Variants in FMN1 observed in about 807,000 individuals in gnomAD.
The protein encoded by FMN1 is formin-1.
Under a neutral mutation model 132.4 loss-of-function variants are expected in FMN1, and 110 were observed. That is an observed-to-expected ratio of 0.83 (90% CI 0.71 to 0.97). FMN1 has a LOEUF of 0.97. FMN1 is among the 50% of genes least tolerant of loss of function. The probability of loss-of-function intolerance (pLI) is 0.00; values close to 1 mark genes in which losing one functional copy is unlikely to be tolerated. For missense variants in FMN1, 1,792 were observed against 1,705.3 expected (o/e 1.05, Z -0.90); for synonymous variants, 722 against 651.7 (o/e 1.11, Z -1.64).
At chr15:33,188,692 GA>G (rs957383308) in intron 2 of FMN1, among the ~76,000 whole-genome samples, 22 of 145,712 alleles carry the variant, frequency 1.5e-4, no homozygotes, top group African/African-American at 2.5e-4. Flanking sequence ...AAAAGATGAA[GA>G]AAAAAAAAAA....
chr15:32,927,095 C>T (rs2060980983), intron 9 of FMN1, among the ~76,000 whole-genome samples: 1 of 152,036 alleles, frequency 6.6e-6, no homozygotes, highest in Non-Finnish European at 1.5e-5. Context: ...TTGCACCTGG[C>T]CTATACATTT....
chr15:32,983,697 A>T (rs556915737), intron 7 of FMN1, among the ~76,000 whole-genome samples: 1 of 152,216 alleles, frequency 6.6e-6, no homozygotes, highest in Non-Finnish European at 1.5e-5. Flanking sequence ...CACAGAAAGT[A>T]GAGTAAAATG....
intron 16 of FMN1, among the ~76,000 whole-genome samples, chr15:32,865,385 T>C (rs992842375): frequency 6.6e-6 from 1 of 152,190 alleles, no homozygotes; most frequent in Non-Finnish European, 1.5e-5. Flanking sequence ...ATAAGGTAAA[T>C]AATTTTAAAA....
intron 4 of FMN1, among the ~76,000 whole-genome samples, chr15:33,109,439 T>G (rs2039611904): frequency 6.6e-6 from 1 of 151,990 alleles, no homozygotes. Flanking sequence ...GGAATCAACC[T>G]AATGTCAATC....
chr15:33,016,702 AG>A (rs1451112538), intron 6 of FMN1, among the ~76,000 whole-genome samples: 1 of 152,346 alleles, frequency 6.6e-6, no homozygotes, highest in Non-Finnish European at 1.5e-5. Context: ...GCAAAAGCAC[AG>A]GAAGAGATCT....
At chr15:33,001,664 T>C (rs1027027579) in intron 7 of FMN1, among the ~76,000 whole-genome samples, 11 of 139,610 alleles carry the variant, frequency 7.9e-5, no homozygotes, top group Admixed American at 5.0e-4. Context: ...ATTTGGGACA[T>C]TGGACTTTCC....
chr15:32,990,510 A>C (rs1034522647), intron 7 of FMN1, among the ~76,000 whole-genome samples: 1 of 152,202 alleles, frequency 6.6e-6, no homozygotes, highest in African/African-American at 2.4e-5. Flanking sequence ...ACAAGTCATT[A>C]ATGTTTAAGA....
chr15:33,004,099 A>T (rs1286042915), intron 7 of FMN1, among the ~76,000 whole-genome samples: 1 of 152,168 alleles, frequency 6.6e-6, no homozygotes, highest in African/African-American at 2.4e-5. Flanking sequence ...CCCTAGAAGA[A>T]AACCTAGGCA....
intron 4 of FMN1, among the ~76,000 whole-genome samples, chr15:33,124,223 A>G (rs1053554158): frequency 1.3e-5 from 2 of 152,006 alleles, no homozygotes; most frequent in Non-Finnish European, 2.9e-5. Context: ...AGGTGATGTT[A>G]AAGACAAAAA....
intron 7 of FMN1, among the ~76,000 whole-genome samples, chr15:32,981,670 G>A (rs2032687500): frequency 6.6e-6 from 1 of 151,628 alleles, no homozygotes; most frequent in Non-Finnish European, 1.5e-5. Context: ...AATATACTTA[G>A]GACCTTGGAT....
At chr15:33,090,179 G>A (rs114261995) in intron 4 of FMN1, among the ~76,000 whole-genome samples, 1,542 of 152,228 alleles carry the variant, frequency 0.01, 22 homozygotes, top group African/African-American at 0.035. Flanking sequence ...AGTGTATTTT[G>A]CAATAGAGAT....
chr15:32,977,130 C>T (rs2032273920), intron 7 of FMN1, among the ~76,000 whole-genome samples: 1 of 152,210 alleles, frequency 6.6e-6, no homozygotes, highest in South Asian at 2.1e-4. Flanking sequence ...CATTCCACCT[C>T]TTACAATGCA....
At position 32,874,182 on chromosome 15, in the gene FMN1, C is replaced by T. The variant is rs184135063; in HGVS notation, c.3835+13990G>A. 1.1e-3 allele frequency among the ~76,000 whole-genome samples: 169 copies of T among 151,898 alleles called. 1 individual carries two copies. Among genetic ancestry groups the T allele is most frequent in the African/African-American group, 3.6e-3 (151 of 41,422 alleles). On this transcript the variant is annotated intron_variant, in intron 16 of 20. Coordinates refer to ENST00000616417, the MANE Select transcript of FMN1 (RefSeq NM_001277313.2). ...GATTACAGGTGCCTGCCACCACGCCCAGCTAATTTTTTGTACTTTTAGTAG... is the reference window on the plus strand; with the variant it reads ...GATTACAGGTGCCTGCCACCACGCCTAGCTAATTTTTTGTACTTTTAGTAG...
chr15:32,958,898 T>A (rs1357498377), intron 9 of FMN1, among the ~76,000 whole-genome samples: 1 of 151,840 alleles, frequency 6.6e-6, no homozygotes, highest in East Asian at 1.9e-4. Context: ...AAAAATTAGC[T>A]GGGCGTGATG....
chr15:33,129,934 A>G (rs1444409284), intron 4 of FMN1, among the ~76,000 whole-genome samples: 1 of 152,090 alleles, frequency 6.6e-6, no homozygotes, highest in Non-Finnish European at 1.5e-5. Flanking sequence ...CTGGGACTAC[A>G]GGCACACGCC....
chr15:33,103,777 T>C (rs145800180), intron 4 of FMN1, among the ~76,000 whole-genome samples: 1 of 152,124 alleles, frequency 6.6e-6, no homozygotes, highest in African/African-American at 2.4e-5. Flanking sequence ...TCTATTCTAT[T>C]ACACCTTGAA....
intron 5 of FMN1, chr15:33,066,848 G>A (rs778766727): frequency 6.2e-7 from 1 of 1,613,972 alleles, no homozygotes; most frequent in East Asian, 2.2e-5. Context: ...GAGCAGCAGA[G>A]AGAGCTGCTC....
At chr15:32,992,515 C>G (rs2033495429) in intron 7 of FMN1, among the ~76,000 whole-genome samples, 1 of 152,130 alleles carries the variant, frequency 6.6e-6, no homozygotes. Context: ...ATTTATTCAT[C>G]AATGGCAGAT....
intron 5 of FMN1, among the ~76,000 whole-genome samples, chr15:33,086,101 A>G (rs1319295810): frequency 6.6e-6 from 1 of 152,042 alleles, no homozygotes; most frequent in Non-Finnish European, 1.5e-5. Context: ...AATACAAAAA[A>G]TTAGCTGGGC....
Sources: allele counts gnomAD v4.1 joint callset (sites outside exome capture counted in the v4.1 genomes callset), GRCh38; gene constraint gnomAD v4.1.1; transcripts MANE v1.5; gene names NCBI Gene and HGNC (gene_info 2026-07-23, HGNC 2026-07-21).